The following CUBN variants were observed in gnomAD, a reference collection of about 807,000 sequenced individuals.
The protein encoded by CUBN is 460 kDa receptor.
In CUBN, 282 loss-of-function variants were observed where a neutral mutation model predicts 405.3. That is an observed-to-expected ratio of 0.70 (90% confidence interval 0.63 to 0.77). CUBN has a LOEUF of 0.77. Ranked by LOEUF, CUBN falls within the 30% of genes least tolerant of loss-of-function variation. The pLI, the probability that CUBN is intolerant of heterozygous loss-of-function variation, is 0.00. For synonymous variants in CUBN, 1,684 were observed against 1,617.0 expected (o/e 1.04, Z -0.99); for missense variants, 4,514 against 4,475.2 (o/e 1.01, Z -0.25).
intron 4 of CUBN, among the ~76,000 whole-genome samples, chr10:17,124,860 C>A (rs1837136681): frequency 6.6e-6 from 1 of 151,922 alleles, no homozygotes; most frequent in Non-Finnish European, 1.5e-5. Context: ...GAGATGGAGC[C>A]TCGGTCTGTC....
chr10:16,869,933 T>C (rs1160738941), intron 58 of CUBN, 80 bp from the exon 59 acceptor site: 18 of 1,053,892 alleles, frequency 1.7e-5, no homozygotes, highest in Non-Finnish European at 2.5e-5. Context: ...GCAAAAAAAA[T>C]GACAAGGAAA....
intron 18 of CUBN, 22 bp from the exon 19 acceptor site, chr10:17,071,626 T>C: frequency 6.2e-7 from 1 of 1,605,294 alleles, no homozygotes; most frequent in South Asian, 1.1e-5. Flanking sequence ...AAAATTATAG[T>C]AGTGCTTGTC....
chr10:16,932,744 T>G (rs1842395402), intron 40 of CUBN, among the ~76,000 whole-genome samples: 1 of 152,174 alleles, frequency 6.6e-6, no homozygotes, highest in South Asian at 2.1e-4. Context: ...TATAAGTATT[T>G]TTTTCAGCCA....
At chr10:16,857,537 C>T (rs1388091072) in intron 59 of CUBN, among the ~76,000 whole-genome samples, 2 of 152,044 alleles carry the variant, frequency 1.3e-5, no homozygotes, top group Non-Finnish European at 2.9e-5. Flanking sequence ...TCATTCTTTC[C>T]AACTTGGAAA....
chr10:16,950,166 G>C, intron 33 of CUBN, 55 bp from the exon 34 acceptor site: 1 of 1,266,816 alleles, frequency 7.9e-7, no homozygotes, highest in Non-Finnish European at 1.1e-6. Flanking sequence ...AAAACATACA[G>C]GGAGATGGGG....
At chr10:16,957,082 G>A (rs2131638432) in intron 31 of CUBN, among the ~76,000 whole-genome samples, 1 of 152,194 alleles carries the variant, frequency 6.6e-6, no homozygotes, top group South Asian at 2.1e-4. Flanking sequence ...TTATAAACCA[G>A]AATATTGTTT....
Position 17,071,507 on chromosome 10 carries a change from C to T in CUBN, c.2544G>A (p.Gln848=), listed in dbSNP as rs1835738697. ...TGAGGAGAATGACTTGGCTTTGGGGCTGGTGGATGGTCCACCTACAGGTTC... is the reference window on the plus strand; with the variant it reads ...TGAGGAGAATGACTTGGCTTTGGGGTTGGTGGATGGTCCACCTACAGGTTC... ...GERTCRWTIH[Q]PQSQVILLNF... is the part of the protein sequence containing the mutation. The change falls in exon 19 of 67, where the codon CAG becomes CAA. Residue 848 remains glutamine, a synonymous_variant. Coordinates refer to ENST00000377833, the MANE Select transcript of CUBN (RefSeq NM_001081.4). The T allele has an allele frequency of 2.5e-6, 4 of 1,613,974 alleles. No individual in the cohort carries two copies. The East Asian group carries it at 8.9e-5, about 36-fold the overall frequency.
rs546172207 is a variant in CUBN, at chr10:16,959,627, T to A, written c.4696-5079A>T. 1.7e-3 allele frequency among the ~76,000 whole-genome samples: 248 copies of A among 146,102 alleles called. 6 individuals are homozygous for A. The South Asian group carries it at 0.055, about 32-fold the overall frequency. On this transcript the variant is annotated intron_variant, in intron 31 of 66. Coordinates refer to ENST00000377833, the MANE Select transcript of CUBN (RefSeq NM_001081.4). ...TGGGCAACAAGAGCAAAACTCCGTC[T>A]CAAAAAAAAAAAAAGACAAAAAACA... is the stretch of plus-strand genomic sequence containing the variant.
At chr10:16,890,300 G>A (rs1840964682) in intron 55 of CUBN, 71 bp downstream of exon 55, 2 of 1,539,728 alleles carry the variant, frequency 1.3e-6, no homozygotes, top group Admixed American at 1.7e-5. Context: ...CCCAGGTTTA[G>A]CCAACCCTGC....
At chr10:17,053,833 C>T (rs999808496) in intron 22 of CUBN, among the ~76,000 whole-genome samples, 4 of 151,990 alleles carry the variant, frequency 2.6e-5, no homozygotes, top group African/African-American at 9.7e-5. Context: ...ACACAATTCT[C>T]CATAAATTTT....
At chr10:17,019,139 G>A (rs1206965090) in intron 28 of CUBN, among the ~76,000 whole-genome samples, 3 of 152,134 alleles carry the variant, frequency 2.0e-5, no homozygotes, top group Non-Finnish European at 4.4e-5. Flanking sequence ...CACATTTTGG[G>A]AACCACTGCT....
chr10:16,956,744 T>A (rs555468366), intron 31 of CUBN, among the ~76,000 whole-genome samples: 1 of 152,184 alleles, frequency 6.6e-6, no homozygotes, highest in South Asian at 2.1e-4. Flanking sequence ...AATACACCAA[T>A]TGAATCTTAA....
At chr10:16,890,253 A>G in intron 55 of CUBN, 118 bp downstream of exon 55, 1 of 913,298 alleles carries the variant, frequency 1.1e-6, no homozygotes, top group East Asian at 2.5e-5. Context: ...TAGGTGACTC[A>G]TCCTCCCCGT....
intron 56 of CUBN, among the ~76,000 whole-genome samples, chr10:16,882,000 T>A (rs1236444342): frequency 6.6e-6 from 1 of 152,224 alleles, no homozygotes; most frequent in Non-Finnish European, 1.5e-5. Flanking sequence ...TTTCTCATCA[T>A]TATTGGAAGA....
chr10:16,853,068 C>A (rs559845244), intron 59 of CUBN, among the ~76,000 whole-genome samples: 1 of 152,070 alleles, frequency 6.6e-6, no homozygotes, highest in African/African-American at 2.4e-5. Flanking sequence ...GATGATTAAA[C>A]GGTCTACCAT....
chr10:17,081,381 T>G (rs1053656427), intron 17 of CUBN, among the ~76,000 whole-genome samples: 1 of 152,208 alleles, frequency 6.6e-6, no homozygotes, highest in Non-Finnish European at 1.5e-5. Flanking sequence ...CCACTCTTTC[T>G]AAAATTTTGG....
At chr10:16,922,201 A>G (rs569727455) in intron 43 of CUBN, among the ~76,000 whole-genome samples, 12 of 152,236 alleles carry the variant, frequency 7.9e-5, no homozygotes, top group Non-Finnish European at 1.3e-4. Flanking sequence ...AAAGTTCTTG[A>G]TAAATGTCTG....
rs1191065102 is a variant in CUBN at position 16,906,262 on chromosome 10, T to C, written c.7853A>G (p.Glu2618Gly). Residue 2618 changes from glutamate to glycine, a missense_variant, in exon 50 of 67, where the codon GAA becomes GGA. By Grantham distance (98) the Glu-to-Gly change is moderately conservative. Coordinates refer to ENST00000377833, the MANE Select transcript of CUBN (RefSeq NM_001081.4). ...QGNSSISIHF[E>G]DFYLESHQDC... ...TTGGTGACTTTCTAGGTAAAAATCT[T>C]CAAAGTGAATGGAAATGGATGAATT... 1 of 1,614,194 alleles carries C rather than the reference T, an allele frequency of 6.2e-7. No homozygotes were observed. The highest frequency in any genetic ancestry group is 1.1e-5 in the South Asian group (1 of 91,086).
rs7085076 is a variant in CUBN, at chr10:16,824,930, G to A, written c.*45C>T. ...TCAGGATGGCAGAGTGCTGTCCAGC[G>A]TGCTGCAGAGGGAAAGTGCTGAGTG... On this transcript the variant is annotated 3_prime_UTR_variant, in exon 67 of 67. Coordinates refer to ENST00000377833, the MANE Select transcript of CUBN (RefSeq NM_001081.4). 2,659 of 1,337,886 alleles carry A rather than the reference G, an allele frequency of 2.0e-3. 59 individuals are homozygous for A. The African/African-American group carries it at 0.033, about 17-fold the overall frequency. 82.9% of individuals were successfully genotyped at this position (1,337,886 alleles called of 1,614,324 possible).
Sources: gnomAD v4.1 joint callset for allele counts (sites outside exome capture counted in the v4.1 genomes callset) on GRCh38, gnomAD v4.1.1 for gene constraint, MANE v1.5 for transcripts, NCBI Gene and HGNC (gene_info 2026-07-23, HGNC 2026-07-21) for gene names.